The following LHPP variants were observed in gnomAD, a reference collection of about 807,000 sequenced individuals.
LHPP encodes hLHPP.
LHPP carries 24 observed loss-of-function variants against 30.3 expected under a neutral mutation model. The observed-to-expected ratio is 0.79, with a 90% CI of 0.57 to 1.11. The LOEUF (loss-of-function observed/expected upper bound fraction) is 1.11. LHPP is among the 50% of genes most tolerant of loss of function. The probability of loss-of-function intolerance (pLI) is 0.00; values close to 1 mark genes in which losing one functional copy is unlikely to be tolerated. For synonymous variants in LHPP, 150 were observed against 157.1 expected (o/e 0.95, Z 0.34); for missense variants, 356 against 367.2 (o/e 0.97, Z 0.25).
rs927716424 is a variant in LHPP at position 124,523,919 on chromosome 10, G to A, written c.716+6648G>A. Among the ~76,000 whole-genome samples the A allele has an allele frequency of 6.6e-6, 1 of 152,204 alleles. No individual in the cohort carries two copies. The highest frequency in any genetic ancestry group is 1.5e-5 in the Non-Finnish European group (1 of 68,032). On this transcript the variant is annotated intron_variant, in intron 6 of 6. Coordinates refer to ENST00000368842, the MANE Select transcript of LHPP (RefSeq NM_022126.4). The surrounding 1 kb of genome is among the most constrained non-coding windows in gnomAD (Gnocchi z 4.2). Reference sequence around the variant, plus strand: ...ATCCTCTCAGCAGCCCTCTGGTCCTGCCCGGGATAGAGGCTGTGGCTTCTG... The same window carrying A: ...ATCCTCTCAGCAGCCCTCTGGTCCTACCCGGGATAGAGGCTGTGGCTTCTG...
intron 1 of LHPP, among the ~76,000 whole-genome samples, chr10:124,479,782 G>C (rs531656133): frequency 1.3e-5 from 2 of 152,300 alleles, no homozygotes; most frequent in South Asian, 2.1e-4. Context: ...AGTCACATTG[G>C]GGGTTAGGAC....
intron 1 of LHPP, among the ~76,000 whole-genome samples, chr10:124,474,774 C>T (rs71486702): frequency 0.14 from 20,964 of 152,176 alleles, 1,859 homozygotes; most frequent in Non-Finnish European, 0.19. Context: ...AGTCACCGGG[C>T]GCTGCTGTAG....
intron 1 of LHPP, among the ~76,000 whole-genome samples, chr10:124,480,708 A>T (rs564322433): frequency 6.6e-6 from 1 of 152,370 alleles, no homozygotes; most frequent in African/African-American, 2.4e-5. Flanking sequence ...TATGAAGGGC[A>T]ATTAACCACT....
rs1038687775 is a variant in LHPP, at chr10:124,575,639, C to T, written c.717-37625C>T. Among the ~76,000 whole-genome samples, 20 of 152,116 alleles carry T rather than the reference C, an allele frequency of 1.3e-4. 1 individual carries two copies. The highest frequency in any genetic ancestry group is 9.7e-5 in the African/African-American group (4 of 41,416). On this transcript the variant is annotated intron_variant, in intron 6 of 6. Transcript: ENST00000368842. ...AGCTCTGAGCAGAGACCTCTGTAGG[C>T]GTCTGCAGGACTGGCTGGCCCTTGT...
Position 124,587,516 on chromosome 10 carries a change from G to A in LHPP, c.717-25748G>A, listed in dbSNP as rs200613287. On this transcript the variant is annotated intron_variant, in intron 6 of 6. Coordinates refer to ENST00000368842, the MANE Select transcript of LHPP (RefSeq NM_022126.4). The stretch of plus-strand genomic sequence containing the variant: ...AGCACTTTGGGAGGCCGAGACGGGC[G>A]GATCACCTGAGGTCGAGAGTTTGAG... Among the ~76,000 whole-genome samples, 9 of 151,392 alleles carry A rather than the reference G, an allele frequency of 5.9e-5. No individual in the cohort carries two copies. In the East Asian group the frequency reaches 1.0e-3, roughly 17 times the overall value.
At chr10:124,600,994 G>A (rs545861920) in intron 6 of LHPP, among the ~76,000 whole-genome samples, 33 of 152,324 alleles carry the variant, frequency 2.2e-4, no homozygotes, top group African/African-American at 6.0e-4. Context: ...CACAGTTACC[G>A]TGGAGTGCAG....
rs1382625953 is a variant in LHPP at position 124,461,947 on chromosome 10, G to T, written c.85G>T (p.Gly29Cys). ...CGTGCTGTACGACAGCGGCGCGGGC[G>T]GCGGCACGGCCATCGCCGGCTCGGT... Reference protein sequence around the residue: ...SGVLYDSGAGGGTAIAGSVEA... With the variant: ...SGVLYDSGAGCGTAIAGSVEA... Residue 29 changes from glycine to cysteine, a missense_variant, in exon 1 of 7, where the codon GGC becomes TGC. Transcript: ENST00000368842. 1 of 1,235,414 alleles carries T rather than the reference G, an allele frequency of 8.1e-7. No homozygotes were observed. The highest frequency in any genetic ancestry group is 1.0e-6 in the Non-Finnish European group (1 of 985,416). 76.5% of individuals were successfully genotyped at this position (1,235,414 alleles called of 1,614,324 possible). A position where few individuals can be genotyped will look rare whatever the true frequency, so the allele number is the denominator to read the frequency against.
At chr10:124,466,618 G>C (rs1952559292) in intron 1 of LHPP, among the ~76,000 whole-genome samples, 1 of 151,904 alleles carries the variant, frequency 6.6e-6, no homozygotes, top group Non-Finnish European at 1.5e-5. Context: ...CACCATGCCT[G>C]GCTAATTTTT....
intron 6 of LHPP, among the ~76,000 whole-genome samples, chr10:124,537,113 A>C (rs1955046508): frequency 6.6e-6 from 1 of 152,188 alleles, no homozygotes; most frequent in African/African-American, 2.4e-5. Context: ...TCATCTCCAG[A>C]TTTTAAGTAA....
In LHPP at chr10:124,613,326, C is replaced by T; in HGVS notation, c.779C>T (p.Ala260Val). 1.2e-6 allele frequency: 2 copies of T among 1,613,276 alleles called. No homozygotes were observed. Among genetic ancestry groups the T allele is most frequent in the Non-Finnish European group, 1.7e-6 (2 of 1,179,892 alleles). ...GGGTACGTGGACAACCTCGCAGAGG[C>T]AGTGGACCTGCTGCTGCAGCACGCC... ...ADGYVDNLAE[A>V]VDLLLQHADK The change falls in exon 7 of 7, where the codon GCA (alanine) becomes GTA (valine). Residue 260 changes from alanine (A) to valine (V), a missense_variant. Ala to Val is a moderately conservative substitution (Grantham distance 64). Transcript: ENST00000368842.
intron 6 of LHPP, among the ~76,000 whole-genome samples, chr10:124,557,136 G>A (rs570603791): frequency 3.3e-5 from 5 of 152,144 alleles, no homozygotes; most frequent in Admixed American, 6.6e-5. Context: ...ATCCCCACTC[G>A]GCCACTTCCT....
At chr10:124,506,676 G>T (rs1405273381) in intron 5 of LHPP, among the ~76,000 whole-genome samples, 6 of 118,024 alleles carry the variant, frequency 5.1e-5, no homozygotes, top group African/African-American at 1.8e-4. Context: ...CAGGTTGGGG[G>T]GTAGGGAAGA....
chr10:124,572,012 A>G (rs1589874646), intron 6 of LHPP, among the ~76,000 whole-genome samples: 1 of 152,130 alleles, frequency 6.6e-6, no homozygotes, highest in South Asian at 2.1e-4. Context: ...AGGTGAGGAA[A>G]CAGCCACTGC....
At chr10:124,482,715 C>T (rs911051581) in intron 1 of LHPP, among the ~76,000 whole-genome samples, 1 of 152,144 alleles carries the variant, frequency 6.6e-6, no homozygotes, top group Non-Finnish European at 1.5e-5. Flanking sequence ...CCTCCTCTCC[C>T]TGCACAGAAG....
chr10:124,473,090 A>G (rs1952837106), intron 1 of LHPP, among the ~76,000 whole-genome samples: 1 of 152,198 alleles, frequency 6.6e-6, no homozygotes, highest in Non-Finnish European at 1.5e-5. Context: ...AAGGGCAGCC[A>G]GGGTGGGTCT....
rs886830310 is a variant in LHPP at position 124,499,068 on chromosome 10, C to T, written c.624+940C>T. Among the ~76,000 whole-genome samples the T allele has an allele frequency of 8.8e-4, 132 of 150,336 alleles. 4 individuals carry two copies. The highest frequency in any genetic ancestry group is 3.2e-3 in the African/African-American group (127 of 39,910). Reference sequence around the variant, plus strand: ...GCTAATTTTTTATTTTTAGTAGAGACAGGGTTTCACCATGTTGGCCAGGCT... The same window carrying T: ...GCTAATTTTTTATTTTTAGTAGAGATAGGGTTTCACCATGTTGGCCAGGCT... On this transcript the variant is annotated intron_variant, in intron 5 of 6. Coordinates refer to ENST00000368842, the MANE Select transcript of LHPP (RefSeq NM_022126.4).
intron 6 of LHPP, among the ~76,000 whole-genome samples, chr10:124,581,426 G>C (rs951552909): frequency 2.6e-5 from 4 of 152,198 alleles, no homozygotes; most frequent in Admixed American, 2.6e-4. Context: ...CTAAGGAGTG[G>C]AATTGCTGGG....
Position 124,563,313 on chromosome 10 carries a change from C to CTTTTTTT in LHPP, c.716+46051_716+46057dup, listed in dbSNP as rs58678509. Among the ~76,000 whole-genome samples the CTTTTTTT allele has an allele frequency of 2.9e-4, 40 of 139,024 alleles. 3 individuals carry two copies. In the South Asian group the frequency reaches 5.0e-3, roughly 17 times the overall value. The allele number at this position is 139,024 out of a possible 152,430, so 91.2% of individuals were successfully genotyped here. On this transcript the variant is annotated intron_variant, in intron 6 of 6. Coordinates refer to ENST00000368842, the MANE Select transcript of LHPP (RefSeq NM_022126.4). ...AGAAACAATCTCTCTCTCTCTTTTT[C>CTTTTTTT]TTTTTTTTTTTTTTTGCATAAAATC... is the stretch of plus-strand genomic sequence containing the variant.
intron 6 of LHPP, among the ~76,000 whole-genome samples, chr10:124,528,183 C>T (rs1396895593): frequency 6.6e-6 from 1 of 152,208 alleles, no homozygotes; most frequent in African/African-American, 2.4e-5. Context: ...ATGGTGGTGG[C>T]TCCCGTATGG....
Sources: gnomAD v4.1 joint callset for allele counts (sites outside exome capture counted in the v4.1 genomes callset) on GRCh38, gnomAD v4.1.1 for gene constraint, Gnocchi (gnomAD v3.1) non-coding constraint, MANE v1.5 for transcripts, NCBI Gene and HGNC (gene_info 2026-07-23, HGNC 2026-07-21) for gene names.